NDUFA10: variants seen among roughly 807,000 people sequenced by gnomAD.
NDUFA10 encodes NADH:ubiquinone oxidoreductase subunit A10, also known as NADH dehydrogenase [ubiquinone] 1 alpha subcomplex subunit 10, mitochondrial.
In NDUFA10, 40 loss-of-function variants were observed where a neutral mutation model predicts 47.8. That is an observed-to-expected ratio of 0.84 (90% CI 0.65 to 1.09). The LOEUF (loss-of-function observed/expected upper bound fraction) is 1.09. Ranked by LOEUF, NDUFA10 falls within the 50% of genes least tolerant of loss-of-function variation. The pLI, the probability that NDUFA10 is intolerant of heterozygous loss-of-function variation, is 0.00. For synonymous variants in NDUFA10, 183 were observed against 172.2 expected (o/e 1.06, Z -0.49); for missense variants, 413 against 451.1 (o/e 0.92, Z 0.76).
chr2:239,942,355 G>A (rs997941492), intron 4 of NDUFA10, among the ~76,000 whole-genome samples: 6 of 152,214 alleles, frequency 3.9e-5, no homozygotes, highest in Non-Finnish European at 5.9e-5. Flanking sequence ...CTGCATTTCC[G>A]ACAAGCTCCC....
chr2:239,952,777 C>G (rs1473257559), downstream of NDUFA10, among the ~76,000 whole-genome samples: 1 of 152,234 alleles, frequency 6.6e-6, no homozygotes. Context: ...AGGGGTGCAG[C>G]CAGCCCACGG....
intron 9 of NDUFA10, 75 bp downstream of exon 9, chr2:239,989,999 G>A (rs2106443031): frequency 9.3e-7 from 1 of 1,077,622 alleles, no homozygotes; most frequent in African/African-American, 1.5e-5. Context: ...ACTCCTTTCT[G>A]GAGAAGTGAC....
At chr2:239,982,024 C>T in intron 9 of NDUFA10, 1 of 1,532,936 alleles carries the variant, frequency 6.5e-7, no homozygotes, top group Non-Finnish European at 8.8e-7. Flanking sequence ...CGGCTGCCAA[C>T]TACCTTCTGC....
At chr2:239,919,919 C>T (rs1693940204) in intron 4 of NDUFA10, among the ~76,000 whole-genome samples, 1 of 152,176 alleles carries the variant, frequency 6.6e-6, no homozygotes, top group Non-Finnish European at 1.5e-5. Context: ...GCTGGTGCCC[C>T]TGCCTACGCC....
At chr2:239,917,754 TCCAGGCC>T (rs932713126) in intron 4 of NDUFA10, among the ~76,000 whole-genome samples, 14 of 152,358 alleles carry the variant, frequency 9.2e-5, no homozygotes, top group Admixed American at 2.0e-4. Context: ...CTGTCTTTGT[TCCAGGCC>T]CAGTTTTCCA....
At chr2:239,954,603 G>A (rs1694616949), downstream of NDUFA10, among the ~76,000 whole-genome samples, 1 of 152,246 alleles carries the variant, frequency 6.6e-6, no homozygotes, top group South Asian at 2.1e-4. Flanking sequence ...TGAAACAGCA[G>A]AGGCTGCATA....
chr2:239,966,768 G>C (rs987333746), intron 9 of NDUFA10, among the ~76,000 whole-genome samples: 7 of 152,044 alleles, frequency 4.6e-5, no homozygotes, highest in Non-Finnish European at 1.5e-5. Context: ...CAGGCTGCCT[G>C]AGGGAGGGGC....
intron 9 of NDUFA10, among the ~76,000 whole-genome samples, chr2:239,971,809 A>G (rs1338943238): frequency 1.3e-5 from 2 of 152,206 alleles, no homozygotes; most frequent in Non-Finnish European, 2.9e-5. Flanking sequence ...CTTAAAAATA[A>G]CACAATAAGC....
intron 5 of NDUFA10, chr2:240,013,885 T>C (rs1697232156): frequency 6.6e-6 from 1 of 152,052 alleles, no homozygotes; most frequent in Non-Finnish European, 1.5e-5. Flanking sequence ...AAAAATAACA[T>C]AGTATTAAAC....
chr2:239,969,088 A>T (rs190425893), intron 9 of NDUFA10, among the ~76,000 whole-genome samples: 13 of 152,386 alleles, frequency 8.5e-5, no homozygotes, highest in African/African-American at 3.1e-4. Context: ...AAAATTTGCA[A>T]CGTATGGCAA....
At chr2:239,910,781 G>A (rs540061194) in intron 4 of NDUFA10, among the ~76,000 whole-genome samples, 44 of 152,300 alleles carry the variant, frequency 2.9e-4, no homozygotes, top group African/African-American at 1.0e-3. Context: ...TAGCTTGAGA[G>A]ACAAATGTTG....
chr2:240,001,201 A>G (rs10193610), intron 8 of NDUFA10, among the ~76,000 whole-genome samples: 42,639 of 152,194 alleles, frequency 0.28, 6,946 homozygotes, highest in East Asian at 0.44. Context: ...AGATTTCCAT[A>G]AAGCGTGAAT....
At chr2:239,894,812 T>G (rs1278426914) in intron 5 of NDUFA10, among the ~76,000 whole-genome samples, 1 of 152,156 alleles carries the variant, frequency 6.6e-6, no homozygotes, top group South Asian at 2.1e-4. Flanking sequence ...TATCTTTTTA[T>G]GGCTGAAATA....
intron 9 of NDUFA10, among the ~76,000 whole-genome samples, chr2:239,970,413 C>T (rs573428355): frequency 1.7e-4 from 26 of 152,314 alleles, no homozygotes; most frequent in Admixed American, 1.6e-3. Flanking sequence ...AAGTTATTCA[C>T]ACAGGAGAAA....
At chr2:239,897,769 T>G (rs1693424503) in intron 4 of NDUFA10, among the ~76,000 whole-genome samples, 1 of 152,162 alleles carries the variant, frequency 6.6e-6, no homozygotes, top group Non-Finnish European at 1.5e-5. Flanking sequence ...TGAAGACTGA[T>G]GGCCGCCCTG....
chr2:239,957,621 C>T lies in NDUFA10; in HGVS notation c.*3497G>A, dbSNP rs1694693052. ...GCTTAAAGATAAAATTTGACAGTTT[C>T]ATTTGTCTTCCTATTAGAACCCTTA... On this transcript the variant is annotated 3_prime_UTR_variant, in exon 10 of 10. Transcript: ENST00000252711. The T allele has an allele frequency of 6.6e-6, 1 of 152,220 alleles. No individual in the cohort carries two copies. The highest frequency in any genetic ancestry group is 2.1e-4 in the South Asian group (1 of 4,830). 9.4% of individuals were successfully genotyped at this position (152,220 alleles called of 1,614,324 possible).
chr2:239,988,498 C>T (rs910887788), intron 9 of NDUFA10, among the ~76,000 whole-genome samples: 4 of 152,176 alleles, frequency 2.6e-5, no homozygotes, highest in Non-Finnish European at 5.9e-5. Flanking sequence ...ATGGTGGGTT[C>T]TGCATTGAGA....
intron 9 of NDUFA10, among the ~76,000 whole-genome samples, chr2:239,971,117 G>T (rs185342284): frequency 6.6e-6 from 1 of 152,222 alleles, no homozygotes; most frequent in African/African-American, 2.4e-5. Context: ...AATGAAAGAA[G>T]TGCCACATAA....
Position 239,945,140 on chromosome 2 carries a change from C to G in NDUFA10, c.294+44934G>C, listed in dbSNP as rs905949936. ...GAAACCCAGGCACGTGTACAGCCAT[C>G]AGAGCCCCGGCACCCCTCCCGCAGG... On this transcript the variant is annotated intron_variant, in intron 4 of 5. Transcript: ENST00000419408. The surrounding 1 kb of genome is among the most constrained non-coding windows in gnomAD (Gnocchi z 4.6). 6.6e-5 allele frequency among the ~76,000 whole-genome samples: 10 copies of G among 152,122 alleles called. No individual in the cohort carries two copies. Among genetic ancestry groups the G allele is most frequent in the African/African-American group, 2.4e-4 (10 of 41,422 alleles).
Sources: gnomAD v4.1 joint callset for allele counts (sites outside exome capture counted in the v4.1 genomes callset) on GRCh38, gnomAD v4.1.1 for gene constraint, Gnocchi (gnomAD v3.1) non-coding constraint, MANE v1.5 for transcripts, NCBI Gene and HGNC (gene_info 2026-07-23, HGNC 2026-07-21) for gene names.